ACSM6: variants seen among roughly 807,000 people sequenced by gnomAD.
ACSM6 encodes acyl-CoA synthetase medium chain family member 6.
Under a neutral mutation model 51.1 loss-of-function variants are expected in ACSM6, and 35 were observed. The ratio of observed to expected loss-of-function variants is 0.69; its 90% CI spans 0.52 to 0.91. ACSM6 has a LOEUF of 0.91. Ranked by LOEUF, ACSM6 falls within the 40% of genes least tolerant of loss-of-function variation. ACSM6 has a pLI of 0.00. For synonymous variants in ACSM6, 172 were observed against 207.3 expected (o/e 0.83, Z 1.46); for missense variants, 509 against 584.1 (o/e 0.87, Z 1.32).
chr10:95,210,869 C>T (rs1351867781), intron 5 of ACSM6, 76 bp downstream of exon 5: 2 of 1,484,974 alleles, frequency 1.3e-6, no homozygotes, highest in Non-Finnish European at 1.8e-6. Context: ...GGGACTAAAG[C>T]TAAGAAAGGA....
rs1169153303 is a variant in ACSM6 at position 95,212,945 on chromosome 10, G to C, written c.995+5G>C. 1.2e-6 allele frequency: 2 copies of C among 1,600,050 alleles called. No homozygotes were observed. Among genetic ancestry groups the C allele is most frequent in the East Asian group, 2.2e-5 (1 of 44,828 alleles). On this transcript the variant is annotated splice_donor_5th_base_variant and intron_variant, in intron 7 of 10. Coordinates refer to ENST00000341686, the Ensembl canonical transcript of ACSM6. ...TCAGCACAAGTGTTTCACCAGGTAAGAGAGGATCCCTCAGGAGAGAGTCCA... is the reference window on the plus strand; with the variant it reads ...TCAGCACAAGTGTTTCACCAGGTAACAGAGGATCCCTCAGGAGAGAGTCCA...
At chr10:95,203,378 CA>C (rs1271839757) in intron 3 of ACSM6, among the ~76,000 whole-genome samples, 4 of 152,068 alleles carry the variant, frequency 2.6e-5, no homozygotes, top group African/African-American at 4.8e-5. Flanking sequence ...ATAAAGTGCA[CA>C]ATAAATGTAA....
chr10:95,199,598 C>A (rs964923274), intron 2 of ACSM6, among the ~76,000 whole-genome samples: 110 of 152,120 alleles, frequency 7.2e-4, no homozygotes, highest in Non-Finnish European at 1.2e-3. Context: ...TTGCAACCTA[C>A]TCATCTGACA....
chr10:95,203,860 A>T (rs970749773), intron 3 of ACSM6, among the ~76,000 whole-genome samples: 1 of 143,982 alleles, frequency 6.9e-6, no homozygotes, highest in Non-Finnish European at 1.6e-5. Flanking sequence ...CTAGATTTAA[A>T]AAAAAAAAAA....
At chr10:95,195,420 CTAGGTA>C (rs2034715063) in intron 2 of ACSM6, among the ~76,000 whole-genome samples, 2 of 152,110 alleles carry the variant, frequency 1.3e-5, no homozygotes, top group East Asian at 1.9e-4. Flanking sequence ...AACAGTTTGG[CTAGGTA>C]TAGGGTCAGA....
At chr10:95,208,996 G>A (rs1240501666) in intron 4 of ACSM6, among the ~76,000 whole-genome samples, 1 of 138,230 alleles carries the variant, frequency 7.2e-6, no homozygotes, top group Non-Finnish European at 1.5e-5. Flanking sequence ...GACCCTCATG[G>A]ATTTTATATT....
At chr10:95,201,401 GGCA>G in intron 2 of ACSM6, 2 of 440,612 alleles carry the variant, frequency 4.5e-6, no homozygotes, top group Non-Finnish European at 9.1e-6. Flanking sequence ...AGTGAAAACA[GGCA>G]GTATTTGATT....
rs1241185829 is a variant in ACSM6 at position 95,212,949 on chromosome 10, G to A, written c.995+9G>A. 2 of 1,592,192 alleles carry A rather than the reference G, an allele frequency of 1.3e-6. No homozygotes were observed. The highest frequency in any genetic ancestry group is 1.7e-4 in the Middle Eastern group (1 of 6,058). On this transcript the variant is annotated intron_variant, in intron 7 of 10. Coordinates refer to ENST00000341686, the Ensembl canonical transcript of ACSM6. ...CACAAGTGTTTCACCAGGTAAGAGA[G>A]GATCCCTCAGGAGAGAGTCCATTTC...
Position 95,199,975 on chromosome 10 carries a change from T to C in ACSM6, c.193-2010T>C, listed in dbSNP as rs370361837. Among the ~76,000 whole-genome samples the C allele has an allele frequency of 3.9e-5, 6 of 152,316 alleles. No homozygotes were observed. In the East Asian group the frequency reaches 9.6e-4, roughly 24 times the overall value. The stretch of plus-strand genomic sequence containing the variant: ...CTCAGGGATCTAGAACTAGAAATAC[T>C]ATTTGACCCAGCCATCCCATTACTG... On this transcript the variant is annotated intron_variant, in intron 2 of 10. Coordinates refer to ENST00000341686, the Ensembl canonical transcript of ACSM6.
chr10:95,200,596 GA>G (rs2034784769), intron 2 of ACSM6, among the ~76,000 whole-genome samples: 1 of 110,716 alleles, frequency 9.0e-6, no homozygotes, highest in Non-Finnish European at 2.1e-5. Context: ...GAAAGAAGAA[GA>G]AGAAGGAGAA....
At chr10:95,211,812 C>T in intron 5 of ACSM6, 66 bp from the exon 6 acceptor site, 1 of 1,444,576 alleles carries the variant, frequency 6.9e-7, no homozygotes, top group Non-Finnish European at 9.4e-7. Flanking sequence ...TTGATAATAG[C>T]AAGTATTATT....
intron 9 of ACSM6, among the ~76,000 whole-genome samples, chr10:95,221,138 GA>G (rs1039339312): frequency 2.0e-5 from 3 of 151,504 alleles, no homozygotes; most frequent in African/African-American, 7.3e-5. Flanking sequence ...GATTTTCTTA[GA>G]AAAAAAATCT....
chr10:95,218,051 G>A (rs1432476446), intron 8 of ACSM6, among the ~76,000 whole-genome samples: 3 of 152,230 alleles, frequency 2.0e-5, no homozygotes, highest in African/African-American at 4.8e-5. Flanking sequence ...ATCTCAGGTT[G>A]TGAATGATTC....
intron 2 of ACSM6, 100 bp downstream of exon 2, chr10:95,194,777 GA>G (rs1421864387): frequency 9.1e-7 from 1 of 1,097,076 alleles, no homozygotes; most frequent in East Asian, 2.6e-5. Flanking sequence ...GCTGGCACTA[GA>G]AAGTGCAAAT....
At chr10:95,212,906 T>A in exon 7 of ACSM6, 1 of 1,613,624 alleles carries the variant, frequency 6.2e-7, no homozygotes. Context: ...TCCAGAGATG[T>A]ACCAGGAACT....
chr10:95,217,967 C>T (rs538866883), intron 8 of ACSM6, among the ~76,000 whole-genome samples: 1 of 152,382 alleles, frequency 6.6e-6, no homozygotes, highest in African/African-American at 2.4e-5. Flanking sequence ...ACTACACTCA[C>T]AGATCCATTT....
chr10:95,212,005 C>T (rs1564589295), exon 6 of ACSM6: 1 of 1,614,064 alleles, frequency 6.2e-7, no homozygotes, highest in East Asian at 2.2e-5. Context: ...GTGTCACATG[C>T]CAACCTTCTG....
At chr10:95,203,709 T>C (rs1237622958) in intron 3 of ACSM6, among the ~76,000 whole-genome samples, 1 of 152,126 alleles carries the variant, frequency 6.6e-6, no homozygotes, top group Non-Finnish European at 1.5e-5. Flanking sequence ...CTATAGTACC[T>C]GACTTTCTAT....
At chr10:95,223,159 GACACACACACACAC>G (rs10572248) in intron 9 of ACSM6, among the ~76,000 whole-genome samples, 1 of 146,798 alleles carries the variant, frequency 6.8e-6, no homozygotes, top group African/African-American at 2.5e-5. Context: ...CACACATACA[GACACACACACACAC>G]ACACACACAC....
Sources: allele counts gnomAD v4.1 joint callset (sites outside exome capture counted in the v4.1 genomes callset), GRCh38; gene constraint gnomAD v4.1.1; transcripts MANE v1.5; gene names NCBI Gene and HGNC (gene_info 2026-07-23, HGNC 2026-07-21).